Variants in ANO5 observed in about 807,000 individuals in gnomAD.
ANO5 encodes the protein anoctamin 5, also known as anoctamin-5.
Under a neutral mutation model 121.0 loss-of-function variants are expected in ANO5, and 109 were observed. The observed-to-expected ratio is 0.90, with a 90% CI of 0.77 to 1.06. ANO5 has a LOEUF of 1.06. Ranked by LOEUF, ANO5 falls within the 50% of genes least tolerant of loss-of-function variation. The probability of loss-of-function intolerance (pLI) is 0.00; values close to 1 mark genes in which losing one functional copy is unlikely to be tolerated. For missense variants in ANO5, 1,064 were observed against 1,078.5 expected (o/e 0.99, Z 0.19); for synonymous variants, 406 against 359.9 (o/e 1.13, Z -1.45).
chr11:22,270,024 C>A, intron 17 of ANO5, among the ~76,000 whole-genome samples: 1 of 152,246 alleles, frequency 6.6e-6, no homozygotes, highest in South Asian at 2.1e-4. Flanking sequence ...CTCTCTCCTC[C>A]ACTTATTCCT....
chr11:22,215,872 T>C (rs971372981), intron 3 of ANO5, among the ~76,000 whole-genome samples: 4 of 152,072 alleles, frequency 2.6e-5, no homozygotes, highest in South Asian at 2.1e-4. Context: ...TAATGTAATA[T>C]ATAAATGGAA....
In ANO5 at chr11:22,251,025, C is replaced by A; in HGVS notation, c.1180+14C>A. On this transcript the variant is annotated intron_variant, in intron 12 of 21. Coordinates refer to ENST00000324559, the MANE Select transcript of ANO5 (RefSeq NM_213599.3). The stretch of plus-strand genomic sequence containing the variant: ...TGGGAATTTGGGGTGAGTAAATAGT[C>A]CCATAAAGAAACAGCTTTCTTCCTA... 6.2e-7 allele frequency: 1 copy of A among 1,602,428 alleles called. No individual in the cohort carries two copies. The highest frequency in any genetic ancestry group is 8.5e-7 in the Non-Finnish European group (1 of 1,173,232).
Position 22,274,545 on chromosome 11 carries a change from CCTCT to C in ANO5, c.2236-23_2236-20del. 6.5e-7 allele frequency: 1 copy of C among 1,542,060 alleles called. No individual in the cohort carries two copies. The highest frequency in any genetic ancestry group is 1.2e-5 in the South Asian group (1 of 81,830). ...AACTAAATTGGCAGCTGATGATCTTCCTCTTTTTTTTTTTATTCTTCAGGCCTTT... is the reference window on the plus strand; with the variant it reads ...AACTAAATTGGCAGCTGATGATCTTCTTTTTTTTTTATTCTTCAGGCCTTT... On this transcript the variant is annotated intron_variant, in intron 19 of 21. Transcript: ENST00000324559.
chr11:22,259,955 A>AAG (rs1370839729), intron 15 of ANO5, among the ~76,000 whole-genome samples: 1 of 151,716 alleles, frequency 6.6e-6, no homozygotes, highest in Non-Finnish European at 1.5e-5. Context: ...ACTGAAAAAA[A>AAG]AAAAAAAGAA....
At chr11:22,241,862 T>C (rs1211086136) in intron 9 of ANO5, among the ~76,000 whole-genome samples, 1 of 152,140 alleles carries the variant, frequency 6.6e-6, no homozygotes, top group Non-Finnish European at 1.5e-5. Flanking sequence ...TGATACTTTC[T>C]TTTGCTGTGC....
At chr11:22,269,621 A>G (rs1854536758) in intron 17 of ANO5, among the ~76,000 whole-genome samples, 1 of 152,022 alleles carries the variant, frequency 6.6e-6, no homozygotes, top group Non-Finnish European at 1.5e-5. Flanking sequence ...ATTTTAGTAG[A>G]TATTTCTGAT....
chr11:22,258,060 C>G (rs911773520), intron 14 of ANO5, among the ~76,000 whole-genome samples: 2 of 152,170 alleles, frequency 1.3e-5, no homozygotes, highest in Non-Finnish European at 2.9e-5. Context: ...TACTCTGATT[C>G]CAGGCTCTTT....
chr11:22,250,728 G>C lies in ANO5; in HGVS notation c.1014-13G>C. ...CCTATCACTGTTCAATAACTTTGCT[G>C]TTCCTCTTGCAGCACTGAAATCTGT... On this transcript the variant is annotated splice_polypyrimidine_tract_variant and intron_variant, in intron 10 of 21. Coordinates refer to ENST00000324559, the MANE Select transcript of ANO5 (RefSeq NM_213599.3). The C allele has an allele frequency of 1.2e-6, 2 of 1,612,412 alleles. No individual in the cohort carries two copies. Among genetic ancestry groups the C allele is most frequent in the Non-Finnish European group, 1.7e-6 (2 of 1,178,574 alleles).
At chr11:22,236,130 A>G (rs768972283) in intron 7 of ANO5, 33 bp from the exon 8 acceptor site, 1 of 1,371,956 alleles carries the variant, frequency 7.3e-7, no homozygotes, top group South Asian at 1.2e-5. Context: ...AAGTTCTGAG[A>G]TGTGATAGTG....
rs1853977639 is a variant in ANO5 at position 22,255,619 on chromosome 11, A to G, written c.1332+97A>G. 2.1e-6 allele frequency: 3 copies of G among 1,406,444 alleles called. No individual in the cohort carries two copies. In the East Asian group the frequency reaches 6.9e-5, roughly 32 times the overall value. 87.1% of individuals were successfully genotyped at this position (1,406,444 alleles called of 1,614,324 possible). A position where few individuals can be genotyped will look rare whatever the true frequency, so the allele number is the denominator to read the frequency against. On this transcript the variant is annotated intron_variant, in intron 13 of 21. Coordinates refer to ENST00000324559, the MANE Select transcript of ANO5 (RefSeq NM_213599.3). ...TCATAGTTTATTTTGCCTTTAAAAT[A>G]TTCTGCAACGTATAAATCACATAAA... is the stretch of plus-strand genomic sequence containing the variant.
chr11:22,243,169 T>C (rs572292272), intron 9 of ANO5, among the ~76,000 whole-genome samples: 2 of 152,262 alleles, frequency 1.3e-5, no homozygotes, highest in Admixed American at 6.5e-5. Context: ...GAGATGATCA[T>C]ATGTTAATAG....
intron 3 of ANO5, among the ~76,000 whole-genome samples, chr11:22,217,449 C>T (rs919338124): frequency 6.6e-6 from 1 of 151,264 alleles, no homozygotes. Flanking sequence ...AAAAAAAAAC[C>T]TGGGTAAACT....
Position 22,262,119 on chromosome 11 carries a change from A to T in ANO5, c.1631-10A>T. On this transcript the variant is annotated splice_polypyrimidine_tract_variant and intron_variant, in intron 15 of 21. Transcript: ENST00000324559. ...GAAGATGCACTAAACATTTTTTTTT[A>T]ACTTAACAGAAATTCCTCGAACATA... 6.2e-7 allele frequency: 1 copy of T among 1,612,402 alleles called. No individual in the cohort carries two copies. The highest frequency in any genetic ancestry group is 8.5e-7 in the Non-Finnish European group (1 of 1,179,484).
chr11:22,243,459 T>C (rs1853502494), intron 9 of ANO5, among the ~76,000 whole-genome samples: 1 of 152,068 alleles, frequency 6.6e-6, no homozygotes, highest in South Asian at 2.1e-4. Flanking sequence ...CCTTTCCTTT[T>C]TGAGTTTTTG....
intron 7 of ANO5, among the ~76,000 whole-genome samples, chr11:22,234,223 C>A (rs1283927382): frequency 6.6e-6 from 1 of 152,058 alleles, no homozygotes; most frequent in Non-Finnish European, 1.5e-5. Context: ...CATCATTGGT[C>A]CTCTTCAATT....
At chr11:22,270,751 G>A (rs1439510878) in intron 18 of ANO5, among the ~76,000 whole-genome samples, 1 of 152,110 alleles carries the variant, frequency 6.6e-6, no homozygotes, top group African/African-American at 2.4e-5. Context: ...AATTCGCTTT[G>A]ATGGCTATTT....
intron 5 of ANO5, among the ~76,000 whole-genome samples, chr11:22,223,737 C>T (rs1852734078): frequency 6.6e-6 from 1 of 151,900 alleles, no homozygotes; most frequent in African/African-American, 2.4e-5. Context: ...AAAATTAGTT[C>T]CTCTTTCTCC....
chr11:22,207,294 G>T (rs1852149920), intron 2 of ANO5, among the ~76,000 whole-genome samples: 1 of 152,190 alleles, frequency 6.6e-6, no homozygotes, highest in South Asian at 2.1e-4. Context: ...TTTAAGACTT[G>T]TTCTTTAGCT....
chr11:22,196,224 C>T (rs1452938461), intron 1 of ANO5, among the ~76,000 whole-genome samples: 1 of 152,072 alleles, frequency 6.6e-6, no homozygotes. Context: ...CTTTGTGCTG[C>T]CTCTTAACAT....
Sources: gnomAD v4.1 joint callset for allele counts (sites outside exome capture counted in the v4.1 genomes callset) on GRCh38, gnomAD v4.1.1 for gene constraint, MANE v1.5 for transcripts, NCBI Gene and HGNC (gene_info 2026-07-23, HGNC 2026-07-21) for gene names.